Variants in SND1 observed in about 807,000 individuals in gnomAD.
The protein encoded by SND1 is staphylococcal nuclease and tudor domain containing 1.
In SND1, 38 loss-of-function variants were observed where a neutral mutation model predicts 121.7. That is an observed-to-expected ratio of 0.31 (90% CI 0.24 to 0.41). SND1 has a LOEUF of 0.41. SND1 is among the 10% of genes least tolerant of loss of function. The pLI is 1.00. For synonymous variants in SND1, 401 were observed against 447.4 expected (o/e 0.90, Z 1.31); for missense variants, 868 against 1,184.6 (o/e 0.73, Z 3.92).
chr7:127,727,354 C>T (rs1206822175), intron 10 of SND1, among the ~76,000 whole-genome samples: 1 of 152,172 alleles, frequency 6.6e-6, no homozygotes, highest in Non-Finnish European at 1.5e-5. Context: ...GCACTGATAA[C>T]TCCATTCATT....
At chr7:127,866,933 T>C (rs963130342) in intron 12 of SND1, among the ~76,000 whole-genome samples, 2 of 152,224 alleles carry the variant, frequency 1.3e-5, no homozygotes, top group Admixed American at 1.3e-4. Context: ...CCTTCTTCTT[T>C]CCAAACTAAT....
At chr7:128,025,765 G>A (rs1013369945) in intron 16 of SND1, among the ~76,000 whole-genome samples, 2 of 152,138 alleles carry the variant, frequency 1.3e-5, no homozygotes, top group African/African-American at 4.8e-5. Flanking sequence ...TCTCCCTGCA[G>A]CTCTGAGGAT....
chr7:127,983,794 ACTTAGTGACCATCTTTCAG>A lies in SND1; in HGVS notation c.1670-7149_1670-7131del, dbSNP rs544571186. ...CTCCTCACTGTAAGCAGAGGAGTGG[ACTTAGTGACCATCTTTCAG>A]CTTTAAGACTGAATAACATTTTCCC... On this transcript the variant is annotated intron_variant, in intron 15 of 23. Coordinates refer to ENST00000354725, the MANE Select transcript of SND1 (RefSeq NM_014390.4). 1.1e-4 allele frequency among the ~76,000 whole-genome samples: 16 copies of A among 152,282 alleles called. No homozygotes were observed. In the East Asian group the frequency reaches 2.9e-3, roughly 28 times the overall value.
At chr7:127,922,175 CTTT>C (rs1158535023) in intron 14 of SND1, among the ~76,000 whole-genome samples, 845 of 57,064 alleles carry the variant, frequency 0.015, 2 homozygotes, top group African/African-American at 0.054. Context: ...TTTTTCTTTC[CTTT>C]TTTTTTTTTT....
chr7:127,846,470 G>A (rs560875877), intron 12 of SND1, among the ~76,000 whole-genome samples: 3 of 152,300 alleles, frequency 2.0e-5, no homozygotes, highest in East Asian at 3.9e-4. Flanking sequence ...CAGGAGAAAT[G>A]TAAGGAATTT....
At chr7:127,690,180 C>T (rs948931495) in intron 2 of SND1, among the ~76,000 whole-genome samples, 1 of 152,102 alleles carries the variant, frequency 6.6e-6, no homozygotes, top group Admixed American at 6.5e-5. Context: ...TCAGTGGTTC[C>T]TCATATTCCA....
chr7:127,700,420 A>T (rs1235466202), intron 4 of SND1, among the ~76,000 whole-genome samples: 2 of 152,190 alleles, frequency 1.3e-5, no homozygotes, highest in African/African-American at 4.8e-5. Context: ...TGAAGATGAG[A>T]AGAGATTCAG....
At chr7:127,682,837 T>C (rs1795750415) in intron 1 of SND1, among the ~76,000 whole-genome samples, 1 of 152,234 alleles carries the variant, frequency 6.6e-6, no homozygotes, top group Admixed American at 6.5e-5. Context: ...GCCTGGCACA[T>C]AGTAGGCACT....
chr7:127,997,593 G>C (rs1802696504), intron 16 of SND1: 1 of 438,286 alleles, frequency 2.3e-6, no homozygotes, highest in African/African-American at 2.0e-5. Context: ...AGACAAATCT[G>C]ACTGTGTAGG....
intron 9 of SND1, 117 bp downstream of exon 9, chr7:127,707,764 G>GGTGTGTGTGT: frequency 1.1e-5 from 6 of 558,178 alleles, no homozygotes; most frequent in Admixed American, 2.6e-5. Flanking sequence ...CAAGCCAGTA[G>GGTGTGTGTGT]GAGTGTGTGT....
intron 16 of SND1, among the ~76,000 whole-genome samples, chr7:128,003,005 T>C (rs9656366): frequency 6.6e-6 from 1 of 152,168 alleles, no homozygotes; most frequent in Non-Finnish European, 1.5e-5. Flanking sequence ...GGGGATCACA[T>C]GAGGCCAGGA....
intron 14 of SND1, among the ~76,000 whole-genome samples, chr7:127,907,336 G>A (rs1035143594): frequency 2.0e-5 from 3 of 152,128 alleles, no homozygotes; most frequent in Non-Finnish European, 2.9e-5. Context: ...AAGCATGCTG[G>A]CAATTTTGCT....
chr7:127,854,792 A>G (rs1799241896), intron 12 of SND1, among the ~76,000 whole-genome samples: 1 of 151,942 alleles, frequency 6.6e-6, no homozygotes. Flanking sequence ...GCACAGCACT[A>G]AGTGTTAAGG....
At chr7:127,728,140 C>G (rs1796614779) in intron 10 of SND1, among the ~76,000 whole-genome samples, 1 of 152,098 alleles carries the variant, frequency 6.6e-6, no homozygotes, top group Non-Finnish European at 1.5e-5. Flanking sequence ...CCTTTGATTT[C>G]CTTTCTTCTC....
chr7:127,700,050 C>T (rs1228480688), intron 4 of SND1, among the ~76,000 whole-genome samples: 1 of 152,044 alleles, frequency 6.6e-6, no homozygotes, highest in Non-Finnish European at 1.5e-5. Flanking sequence ...TGTTTTTGGA[C>T]GTATGCCAAA....
chr7:127,795,958 C>T (rs1045739000), intron 10 of SND1, among the ~76,000 whole-genome samples: 6 of 151,886 alleles, frequency 4.0e-5, no homozygotes, highest in East Asian at 1.9e-4. Context: ...CCCGGGTTCA[C>T]GCCATTGTCC....
intron 10 of SND1, among the ~76,000 whole-genome samples, chr7:127,796,583 A>G (rs2116553755): frequency 6.6e-6 from 1 of 152,258 alleles, no homozygotes; most frequent in African/African-American, 2.4e-5. Context: ...ACAAGGCAGA[A>G]AGTGATTAGT....
intron 10 of SND1, among the ~76,000 whole-genome samples, chr7:127,785,644 A>C (rs797007394): frequency 9.9e-5 from 15 of 152,252 alleles, no homozygotes; most frequent in African/African-American, 3.6e-4. Flanking sequence ...CTTAGTGTTT[A>C]TTTGCAAAAC....
At chr7:128,086,692 A>T in intron 20 of SND1, 1 of 576,846 alleles carries the variant, frequency 1.7e-6, no homozygotes, top group Non-Finnish European at 3.1e-6. Flanking sequence ...TTTCATGGGA[A>T]CCACTAGGTG....
Sources: gnomAD v4.1 joint callset for allele counts (sites outside exome capture counted in the v4.1 genomes callset) on GRCh38, gnomAD v4.1.1 for gene constraint, MANE v1.5 for transcripts, NCBI Gene and HGNC (gene_info 2026-07-23, HGNC 2026-07-21) for gene names.